The following SAMD4B variants were observed in gnomAD, a reference collection of about 807,000 sequenced individuals.
SAMD4B encodes the protein protein Smaug homolog 2.
Under a neutral mutation model 74.5 loss-of-function variants are expected in SAMD4B, and 5 were observed. That is an observed-to-expected ratio of 0.07 (90% CI 0.04 to 0.14). SAMD4B has a LOEUF of 0.14. Among genes scored for constraint, SAMD4B ranks in the 10% least tolerant of loss-of-function variants. The probability of loss-of-function intolerance (pLI) is 1.00; values close to 1 mark genes in which losing one functional copy is unlikely to be tolerated. For missense variants in SAMD4B, 608 were observed against 921.8 expected (o/e 0.66, Z 4.41); for synonymous variants, 373 against 374.9 (o/e 1.00, Z 0.06).
At chr19:39,385,794 G>T (rs1273860839), downstream of SAMD4B, 10 of 744,348 alleles carry the variant, frequency 1.3e-5, no homozygotes, top group African/African-American at 1.8e-5. Flanking sequence ...TTGAGCACCT[G>T]GGGGTTGCGG....
At chr19:39,382,429 C>CA (rs906104185) in intron 12 of SAMD4B, among the ~76,000 whole-genome samples, 41 of 149,502 alleles carry the variant, frequency 2.7e-4, no homozygotes, top group African/African-American at 6.6e-4. Flanking sequence ...TGCCCAAGTT[C>CA]AAAAAAAAAA....
At chr19:39,388,957 G>T, downstream of SAMD4B, 16 of 1,614,092 alleles carry the variant, frequency 9.9e-6, no homozygotes, top group Non-Finnish European at 1.3e-5. Context: ...CTTAAAGTCT[G>T]GGAAGACAGG....
At position 39,377,602 on chromosome 19, in the gene SAMD4B, C is replaced by A; in HGVS notation, c.1222C>A (p.Pro408Thr). Residue 408 changes from proline (P) to threonine (T), a missense_variant, in exon 8 of 14, where the codon CCT becomes ACT. Transcript: ENST00000610417. ...CACCGTGGCTGCCGCCACCACCACC[C>A]CTACTGCCAAGGATGGGGCCCCGGG... ...QATVAAATTTPTAKDGAPGEP... is the reference protein window; with the variant it reads ...QATVAAATTTTTAKDGAPGEP... 6.2e-7 allele frequency: 1 copy of A among 1,614,100 alleles called. No individual in the cohort carries two copies. The highest frequency in any genetic ancestry group is 1.1e-5 in the South Asian group (1 of 91,046).
At chr19:39,382,081 ACT>A (rs777887543) in intron 12 of SAMD4B, among the ~76,000 whole-genome samples, 2 of 151,066 alleles carry the variant, frequency 1.3e-5, no homozygotes, top group Non-Finnish European at 2.9e-5. Flanking sequence ...GAATGGGCTG[ACT>A]CTAGAGAGAG....
Position 39,375,753 on chromosome 19 carries a change from G to C in SAMD4B, c.771G>C (p.Gly257=). Residue 257 remains glycine (G), a synonymous_variant, in exon 5 of 14, where the codon GGG becomes GGC. Coordinates refer to ENST00000610417, the MANE Select transcript of SAMD4B (RefSeq NM_001384574.2). This position sits in a 1 kb window ranked among gnomAD's most constrained non-coding sequence, Gnocchi z 4.1. ...AGTGGCCGAGTCCAGAGGAGCTTGG[G>C]GCCCGGGCTGCTTTTACCACGCCCG... is the stretch of plus-strand genomic sequence containing the variant. ...PGEWPSPEEL[G]ARAAFTTPDH... The C allele has an allele frequency of 6.2e-7, 1 of 1,614,138 alleles. No homozygotes were observed. Among genetic ancestry groups the C allele is most frequent in the Non-Finnish European group, 8.5e-7 (1 of 1,180,012 alleles).
chr19:39,377,392 C>T, intron 7 of SAMD4B, 93 bp from the exon 8 acceptor site: 1 of 1,146,938 alleles, frequency 8.7e-7, no homozygotes. Flanking sequence ...CCTACCCAGC[C>T]TTCTGCAAGC....
intron 1 of SAMD4B, chr19:39,350,479 T>C (rs2075971481): frequency 6.6e-6 from 1 of 152,378 alleles, no homozygotes; most frequent in East Asian, 1.9e-4. Context: ...CATCTCAGCA[T>C]TTTTTTGTTT....
chr19:39,389,425 C>A (rs1347025646), downstream of SAMD4B: 1 of 1,612,186 alleles, frequency 6.2e-7, no homozygotes, highest in East Asian at 2.2e-5. The surrounding 1 kb of genome is among the most constrained non-coding windows in gnomAD (Gnocchi z 5.3). Flanking sequence ...CACTGCCCTC[C>A]TGCTTGTAGG....
chr19:39,385,580 A>C lies in SAMD4B; in HGVS notation c.*2053A>C. On this transcript the variant is annotated 3_prime_UTR_variant, in exon 14 of 14. Coordinates refer to ENST00000610417, the MANE Select transcript of SAMD4B (RefSeq NM_001384574.2). ...TTCTGTCCCCGGCCCCACTGGCAGA[A>C]TCAGCTTTGAGTAACTGTACAGTTT... The C allele has an allele frequency of 4.0e-6, 2 of 496,974 alleles. No homozygotes were observed. Among genetic ancestry groups the C allele is most frequent in the South Asian group, 3.9e-5 (1 of 25,756 alleles). The allele number at this position is 496,974 out of a possible 1,614,324, so 30.8% of individuals were successfully genotyped here. A position where few individuals can be genotyped will look rare whatever the true frequency, so the allele number is the denominator to read the frequency against.
chr19:39,370,755 ATAG>A (rs2077244657), intron 4 of SAMD4B, among the ~76,000 whole-genome samples: 1 of 152,222 alleles, frequency 6.6e-6, no homozygotes, highest in African/African-American at 2.4e-5. Flanking sequence ...GGTATTTGTA[ATAG>A]TAGGTAGCAT....
chr19:39,343,080 C>G (rs1203323145), intron 1 of SAMD4B, among the ~76,000 whole-genome samples: 1 of 151,914 alleles, frequency 6.6e-6, no homozygotes, highest in East Asian at 1.9e-4. Flanking sequence ...ACTCCTCGTC[C>G]ATTCCACAGC....
At chr19:39,389,257 C>T (rs768337039), downstream of SAMD4B, 2 of 1,609,816 alleles carry the variant, frequency 1.2e-6, no homozygotes, top group African/African-American at 1.3e-5. This position sits in a 1 kb window ranked among gnomAD's most constrained non-coding sequence, Gnocchi z 5.3. Flanking sequence ...TCTCCACCTT[C>T]CCTCTCTTCC....
intron 4 of SAMD4B, among the ~76,000 whole-genome samples, chr19:39,370,540 C>G (rs955705071): frequency 6.6e-6 from 1 of 152,214 alleles, no homozygotes; most frequent in African/African-American, 2.4e-5. Context: ...TAGTCTGCCT[C>G]TGCTCCCACC....
At chr19:39,366,271 G>A (rs1365691196) in intron 3 of SAMD4B, among the ~76,000 whole-genome samples, 9 of 152,016 alleles carry the variant, frequency 5.9e-5, no homozygotes, top group Admixed American at 1.3e-4. Context: ...AGCCGAGATC[G>A]TGCCACTGCA....
chr19:39,383,905 T>G lies in SAMD4B; in HGVS notation c.*378T>G. The stretch of plus-strand genomic sequence containing the variant: ...GACTCCCCAGAGACAAACTGACCAC[T>G]ACCTTGTGGAGCCTGCTCAGAAACA... On this transcript the variant is annotated 3_prime_UTR_variant, in exon 14 of 14. Transcript: ENST00000610417. The surrounding 1 kb of genome is among the most constrained non-coding windows in gnomAD (Gnocchi z 4.1). 1 of 593,490 alleles carries G rather than the reference T, an allele frequency of 1.7e-6. No homozygotes were observed. The highest frequency in any genetic ancestry group is 3.0e-6 in the Non-Finnish European group (1 of 334,810). 36.8% of individuals were successfully genotyped at this position (593,490 alleles called of 1,614,324 possible).
intron 3 of SAMD4B, among the ~76,000 whole-genome samples, chr19:39,358,837 G>C (rs948668828): frequency 6.6e-6 from 1 of 152,196 alleles, no homozygotes. Flanking sequence ...GGACTGCTAG[G>C]ATTGGGTTTT....
rs2078225695 is a variant in SAMD4B at position 39,385,544 on chromosome 19, T to TAA, written c.*2017_*2018insAA. Reference sequence around the variant, plus strand: ...CAGGCCCTCCTCCATGATTTCACCCTCCCTACCCACTTCTGTCCCCGGCCC... The same window carrying TAA: ...CAGGCCCTCCTCCATGATTTCACCCTAACCCTACCCACTTCTGTCCCCGGCCC... On this transcript the variant is annotated 3_prime_UTR_variant, in exon 14 of 14. Coordinates refer to ENST00000610417, the MANE Select transcript of SAMD4B (RefSeq NM_001384574.2). 5 of 484,082 alleles carry TAA rather than the reference T, an allele frequency of 1.0e-5. No individual in the cohort carries two copies. Among genetic ancestry groups the TAA allele is most frequent in the Non-Finnish European group, 1.8e-5 (5 of 278,262 alleles). The allele number at this position is 484,082 out of a possible 1,614,324, so 30.0% of individuals were successfully genotyped here.
chr19:39,369,925 G>A lies in SAMD4B; in HGVS notation c.467G>A (p.Ser156Asn). 6.2e-7 allele frequency: 1 copy of A among 1,614,166 alleles called. No individual in the cohort carries two copies. The highest frequency in any genetic ancestry group is 8.5e-7 in the Non-Finnish European group (1 of 1,180,024). ...AGCCACCTGGAAGAGCGGTTGGCTA[G>A]TGGCTTCCGCTCCCGGCCAGAGCCC... is the stretch of plus-strand genomic sequence containing the variant. ...WLSHLEERLA[S>N]GFRSRPEPSY... is the part of the protein sequence containing the mutation. The change falls in exon 4 of 14, where the codon AGT becomes AAT. Residue 156 changes from serine to asparagine, a missense_variant. Transcript: ENST00000610417.
intron 12 of SAMD4B, among the ~76,000 whole-genome samples, chr19:39,381,812 G>A (rs2078006326): frequency 6.6e-6 from 1 of 152,214 alleles, no homozygotes; most frequent in African/African-American, 2.4e-5. Flanking sequence ...CACACCCGTA[G>A]TCCCAGCTAC....
Sources: gnomAD v4.1 joint callset for allele counts (sites outside exome capture counted in the v4.1 genomes callset) on GRCh38, gnomAD v4.1.1 for gene constraint, Gnocchi (gnomAD v3.1) non-coding constraint, MANE v1.5 for transcripts, NCBI Gene and HGNC (gene_info 2026-07-23, HGNC 2026-07-21) for gene names.